SEMA3E: variants seen among roughly 807,000 people sequenced by gnomAD.
SEMA3E encodes semaphorin 3E.
In SEMA3E, 49 loss-of-function variants were observed where a neutral mutation model predicts 93.6. That is an observed-to-expected ratio of 0.52 (90% confidence interval 0.42 to 0.66). The LOEUF (loss-of-function observed/expected upper bound fraction) is 0.66. Ranked by LOEUF, SEMA3E falls within the 30% of genes least tolerant of loss-of-function variation. The probability of loss-of-function intolerance (pLI) is 0.00; values close to 1 mark genes in which losing one functional copy is unlikely to be tolerated. For synonymous variants in SEMA3E, 363 were observed against 330.7 expected (o/e 1.10, Z -1.06); for missense variants, 906 against 964.8 (o/e 0.94, Z 0.81).
At chr7:83,395,998 C>A (rs936821407) in intron 12 of SEMA3E, among the ~76,000 whole-genome samples, 1 of 151,794 alleles carries the variant, frequency 6.6e-6, no homozygotes, top group African/African-American at 2.4e-5. Flanking sequence ...TTCAGTGTTA[C>A]AACAACTTTG....
chr7:83,529,022 G>C (rs776766526), intron 1 of SEMA3E, among the ~76,000 whole-genome samples: 1 of 152,054 alleles, frequency 6.6e-6, no homozygotes, highest in Non-Finnish European at 1.5e-5. Context: ...GAGTATTCAA[G>C]TTGCCCATTT....
intron 1 of SEMA3E, among the ~76,000 whole-genome samples, chr7:83,574,560 A>G (rs1357319668): frequency 6.6e-6 from 1 of 150,818 alleles, no homozygotes; most frequent in Non-Finnish European, 1.5e-5. Context: ...CTTTACCCAC[A>G]TAAACTTGGG....
intron 1 of SEMA3E, among the ~76,000 whole-genome samples, chr7:83,560,025 A>T (rs1791994514): frequency 6.6e-6 from 1 of 152,034 alleles, no homozygotes; most frequent in Admixed American, 6.6e-5. Context: ...AACAAAGAAC[A>T]CAATAAAAAG....
chr7:83,647,168 C>T (rs2115728944), intron 1 of SEMA3E, among the ~76,000 whole-genome samples: 1 of 152,166 alleles, frequency 6.6e-6, no homozygotes, highest in East Asian at 1.9e-4. Context: ...ATATTATCTA[C>T]TGGATAGTAT....
chr7:83,554,150 CA>C (rs2115811632), intron 1 of SEMA3E, among the ~76,000 whole-genome samples: 1 of 152,164 alleles, frequency 6.6e-6, no homozygotes, highest in African/African-American at 2.4e-5. Flanking sequence ...TTGTTTACAG[CA>C]TGTGTTTACC....
At position 83,382,722 on chromosome 7, in the gene SEMA3E, A is replaced by G. The variant is rs4728535; in HGVS notation, c.1875+2572T>C. On this transcript the variant is annotated intron_variant, in intron 16 of 16. Coordinates refer to ENST00000643230, the MANE Select transcript of SEMA3E (RefSeq NM_012431.3). ...AAGTCAAGGGAAAATGCTCCACATG[A>G]AGTATCTAGCAAAGTTGGCTTTCAA... is the stretch of plus-strand genomic sequence containing the variant. Among the ~76,000 whole-genome samples, 525 of 151,762 alleles carry G rather than the reference A, an allele frequency of 3.5e-3. 12 individuals are homozygous for G. The highest frequency in any genetic ancestry group is 0.033 in the East Asian group (172 of 5,166).
chr7:83,606,191 G>C (rs983748734), intron 1 of SEMA3E, among the ~76,000 whole-genome samples: 7 of 152,192 alleles, frequency 4.6e-5, no homozygotes, highest in African/African-American at 1.7e-4. Context: ...CAAAATCTTT[G>C]TAAGTCTTGG....
intron 2 of SEMA3E, among the ~76,000 whole-genome samples, chr7:83,477,723 G>C (rs1212824629): frequency 6.6e-6 from 1 of 152,008 alleles, no homozygotes; most frequent in East Asian, 1.9e-4. Flanking sequence ...AATGTGAAAT[G>C]CCATCTGACA....
intron 2 of SEMA3E, among the ~76,000 whole-genome samples, chr7:83,476,302 A>T (rs1303877011): frequency 6.6e-6 from 1 of 152,240 alleles, no homozygotes; most frequent in Non-Finnish European, 1.5e-5. Flanking sequence ...TAAAACAAGT[A>T]AAATTTTCCA....
At chr7:83,620,508 T>C (rs1793528776) in intron 1 of SEMA3E, among the ~76,000 whole-genome samples, 2 of 152,036 alleles carry the variant, frequency 1.3e-5, no homozygotes, top group Admixed American at 1.3e-4. Context: ...GAAGCCAGCA[T>C]CATCCTGATA....
intron 1 of SEMA3E, among the ~76,000 whole-genome samples, chr7:83,549,307 T>C (rs1791713376): frequency 6.6e-6 from 1 of 152,096 alleles, no homozygotes; most frequent in South Asian, 2.1e-4. Flanking sequence ...CTTTTACATA[T>C]CATAAAGGCT....
intron 1 of SEMA3E, among the ~76,000 whole-genome samples, chr7:83,499,277 T>C (rs973456392): frequency 6.6e-6 from 1 of 152,214 alleles, no homozygotes; most frequent in African/African-American, 2.4e-5. Context: ...AAAGCATTTG[T>C]AATTTTAACA....
At chr7:83,587,750 A>G (rs1183225038) in intron 1 of SEMA3E, among the ~76,000 whole-genome samples, 1 of 152,030 alleles carries the variant, frequency 6.6e-6, no homozygotes, top group Admixed American at 6.6e-5. Context: ...ATGACAGTAT[A>G]AATATAAATA....
intron 2 of SEMA3E, among the ~76,000 whole-genome samples, chr7:83,470,865 T>TTTC (rs1789878033): frequency 6.7e-6 from 1 of 148,562 alleles, no homozygotes; most frequent in Non-Finnish European, 1.5e-5. Context: ...ACATTTTCTT[T>TTTC]TTTTTTTTTT....
intron 1 of SEMA3E, among the ~76,000 whole-genome samples, chr7:83,596,904 G>A (rs1054668029): frequency 6.6e-6 from 1 of 152,056 alleles, no homozygotes; most frequent in Admixed American, 6.6e-5. Context: ...CTAAGGGCAA[G>A]GTTTTAGGAA....
intron 1 of SEMA3E, among the ~76,000 whole-genome samples, chr7:83,537,145 C>A (rs967286078): frequency 6.6e-6 from 1 of 152,090 alleles, no homozygotes; most frequent in Admixed American, 6.6e-5. Flanking sequence ...AGGAAGACAG[C>A]CCTTTCCAGA....
chr7:83,433,104 CT>C (rs1490639955), intron 4 of SEMA3E, among the ~76,000 whole-genome samples: 7 of 151,990 alleles, frequency 4.6e-5, no homozygotes, highest in African/African-American at 1.4e-4. Flanking sequence ...AATTTTTTCA[CT>C]TGAAAGACAA....
At chr7:83,541,656 G>A (rs936471352) in intron 1 of SEMA3E, among the ~76,000 whole-genome samples, 1 of 152,224 alleles carries the variant, frequency 6.6e-6, no homozygotes, top group Non-Finnish European at 1.5e-5. Context: ...TCTTTAAGCA[G>A]ATAGAAGAAC....
intron 1 of SEMA3E, among the ~76,000 whole-genome samples, chr7:83,490,704 A>T (rs1295709254): frequency 1.3e-5 from 2 of 152,056 alleles, no homozygotes; most frequent in Non-Finnish European, 1.5e-5. Context: ...TCCAAAATCA[A>T]ATTTTCCCAG....
Sources: gnomAD v4.1 joint callset for allele counts (sites outside exome capture counted in the v4.1 genomes callset) on GRCh38, gnomAD v4.1.1 for gene constraint, MANE v1.5 for transcripts, NCBI Gene and HGNC (gene_info 2026-07-23, HGNC 2026-07-21) for gene names.